TBC1D14: variants seen among roughly 807,000 people sequenced by gnomAD.
TBC1D14 encodes TBC1 domain family member 14.
A neutral mutation model predicts 79.0 loss-of-function variants in TBC1D14; 26 were observed. The ratio of observed to expected loss-of-function variants is 0.33; its 90% CI spans 0.24 to 0.46. The LOEUF is 0.46. TBC1D14 is among the 20% of genes least tolerant of loss of function. The pLI, the probability that TBC1D14 is intolerant of heterozygous loss-of-function variation, is 1.00. For missense variants in TBC1D14, 769 were observed against 887.6 expected, an observed-to-expected ratio of 0.87 and a Z score of 1.70; for synonymous variants, 394 against 349.9, an observed-to-expected ratio of 1.13 and a Z score of -1.40.
At chr4:6,913,742 A>G (rs191172408) in intron 1 of TBC1D14, among the ~76,000 whole-genome samples, 27 of 152,346 alleles carry the variant, frequency 1.8e-4, no homozygotes, top group African/African-American at 5.3e-4. Context: ...TTTGCCTCCC[A>G]GTCACTTCAC....
intron 13 of TBC1D14, among the ~76,000 whole-genome samples, chr4:7,028,756 C>A (rs1245146628): frequency 2.0e-5 from 3 of 151,942 alleles, no homozygotes; most frequent in African/African-American, 7.3e-5. Context: ...CAGTTCAGGT[C>A]TCATGGGACT....
At chr4:7,024,376 G>A (rs1041593772) in intron 12 of TBC1D14, among the ~76,000 whole-genome samples, 7 of 152,110 alleles carry the variant, frequency 4.6e-5, no homozygotes, top group African/African-American at 7.2e-5. Flanking sequence ...CCCAGCTGGG[G>A]ATCCCCACCT....
chr4:6,945,072 C>A (rs1303155410), intron 2 of TBC1D14, among the ~76,000 whole-genome samples: 1 of 152,182 alleles, frequency 6.6e-6, no homozygotes, highest in Admixed American at 6.5e-5. Flanking sequence ...CATATAGAGT[C>A]AGGTTCCTGG....
intron 1 of TBC1D14, among the ~76,000 whole-genome samples, chr4:6,912,413 TAAAAA>T (rs1260440182): frequency 6.8e-6 from 1 of 147,082 alleles, no homozygotes; most frequent in Non-Finnish European, 1.5e-5. Context: ...AATAAAAAAA[TAAAAA>T]ATAAATTTTC....
chr4:6,983,268 G>A (rs1448336551), intron 3 of TBC1D14, among the ~76,000 whole-genome samples: 1 of 151,954 alleles, frequency 6.6e-6, no homozygotes, highest in African/African-American at 2.4e-5. Context: ...CACCGTACCC[G>A]GCCTTTAAAA....
intron 3 of TBC1D14, among the ~76,000 whole-genome samples, chr4:6,978,202 G>GA (rs1716991824): frequency 6.6e-6 from 1 of 151,786 alleles, no homozygotes; most frequent in Admixed American, 6.6e-5. Context: ...GGGAAGTGAG[G>GA]AGCCCCTCTG....
At chr4:6,945,749 CAAAAAAAAAAAAAAAAAA>C (rs71173472) in intron 2 of TBC1D14, among the ~76,000 whole-genome samples, 2 of 64,134 alleles carry the variant, frequency 3.1e-5, no homozygotes, top group Non-Finnish European at 5.3e-5. Flanking sequence ...AACTGCGTCT[CAAAAAAAAAAAAAAAAAA>C]AAAAAAAAAA....
intron 1 of TBC1D14, among the ~76,000 whole-genome samples, chr4:6,913,193 C>T (rs918957209): frequency 6.6e-6 from 1 of 152,080 alleles, no homozygotes; most frequent in Non-Finnish European, 1.5e-5. Context: ...CAGGGTTTTG[C>T]TATATTGGCC....
intron 13 of TBC1D14, among the ~76,000 whole-genome samples, chr4:7,025,916 G>GAA (rs200202148): frequency 6.6e-6 from 1 of 150,684 alleles, no homozygotes; most frequent in Non-Finnish European, 1.5e-5. Context: ...TACTAAAAAG[G>GAA]AAAAAAAAAC....
At chr4:6,910,866 C>T (rs944777726) in intron 1 of TBC1D14, among the ~76,000 whole-genome samples, 10 of 152,290 alleles carry the variant, frequency 6.6e-5, no homozygotes, top group African/African-American at 1.7e-4. Context: ...GCGTTTTGCC[C>T]CTACTGGAGG....
intron 2 of TBC1D14, among the ~76,000 whole-genome samples, chr4:6,929,088 G>C (rs1341502170): frequency 5.9e-5 from 9 of 152,140 alleles, no homozygotes. Flanking sequence ...CTATGGACCT[G>C]CATTGCTGCT....
chr4:6,944,848 G>A (rs930221933), intron 2 of TBC1D14, among the ~76,000 whole-genome samples: 2 of 152,170 alleles, frequency 1.3e-5, no homozygotes, highest in African/African-American at 4.8e-5. Flanking sequence ...TATCCCCGGG[G>A]CAGAGGTGGC....
intron 2 of TBC1D14, among the ~76,000 whole-genome samples, chr4:6,947,683 A>C (rs1484272419): frequency 6.7e-6 from 1 of 148,384 alleles, no homozygotes; most frequent in African/African-American, 2.5e-5. Flanking sequence ...AAAAAAATCT[A>C]AGCTGATGTT....
At chr4:6,934,268 G>A (rs1051099655) in intron 2 of TBC1D14, among the ~76,000 whole-genome samples, 2 of 152,032 alleles carry the variant, frequency 1.3e-5, no homozygotes, top group Non-Finnish European at 2.9e-5. Flanking sequence ...AGCAGCAAAA[G>A]CGAGAAGGCA....
At chr4:6,972,672 G>A (rs542491628) in intron 3 of TBC1D14, among the ~76,000 whole-genome samples, 22 of 152,172 alleles carry the variant, frequency 1.4e-4, no homozygotes, top group African/African-American at 3.6e-4. Context: ...ATCTAGAAGC[G>A]GAAAAGAGGG....
intron 3 of TBC1D14, among the ~76,000 whole-genome samples, chr4:6,981,122 T>C (rs1179645276): frequency 1.3e-5 from 2 of 150,826 alleles, no homozygotes; most frequent in Non-Finnish European, 3.0e-5. Flanking sequence ...CCTCCTGGGT[T>C]CAAGTGATTC....
intron 3 of TBC1D14, among the ~76,000 whole-genome samples, chr4:6,983,082 G>T (rs1359683300): frequency 6.6e-6 from 1 of 152,044 alleles, no homozygotes; most frequent in African/African-American, 2.4e-5. Flanking sequence ...GAGTGCAGTG[G>T]CACGATCTCG....
At chr4:6,937,346 T>G (rs1035020265) in intron 2 of TBC1D14, among the ~76,000 whole-genome samples, 1 of 152,198 alleles carries the variant, frequency 6.6e-6, no homozygotes, top group Non-Finnish European at 1.5e-5. Context: ...TGGTGAGCTG[T>G]TGAACATGTT....
intron 9 of TBC1D14, among the ~76,000 whole-genome samples, chr4:7,008,956 T>C (rs1303689443): frequency 1.3e-5 from 2 of 152,230 alleles, no homozygotes; most frequent in Non-Finnish European, 2.9e-5. Context: ...TAGGCCTGGA[T>C]GCTGGCATTT....
Sources: gnomAD v4.1 joint callset for allele counts (sites outside exome capture counted in the v4.1 genomes callset) on GRCh38, gnomAD v4.1.1 for gene constraint, MANE v1.5 for transcripts, NCBI Gene and HGNC (gene_info 2026-07-23, HGNC 2026-07-21) for gene names.